Variants in MXD3 observed in about 807,000 individuals in gnomAD.
The protein encoded by MXD3 is Max-associated protein 3.
MXD3 carries 20 observed loss-of-function variants against 27.5 expected under a neutral mutation model. The observed-to-expected ratio is 0.73, with a 90% CI of 0.51 to 1.06. The LOEUF is 1.06. Among genes scored for constraint, MXD3 ranks in the 50% least tolerant of loss-of-function variants. MXD3 has a pLI of 0.00. For missense variants in MXD3, 298 were observed against 291.3 expected (o/e 1.02, Z -0.17); for synonymous variants, 150 against 130.7 (o/e 1.15, Z -1.01).
chr5:177,310,998 T>C (rs1581591931), intron 2 of MXD3: 1 of 578,292 alleles, frequency 1.7e-6, no homozygotes, highest in Non-Finnish European at 3.1e-6. Context: ...AACAGATGTT[T>C]CCCAAGCCGG....
At chr5:177,311,569 G>A (rs899522715) in intron 1 of MXD3, 85 bp from the exon 2 acceptor site, 2 of 1,237,330 alleles carry the variant, frequency 1.6e-6, no homozygotes, top group Non-Finnish European at 2.2e-6. Context: ...GTCAAGGAAA[G>A]GCTTTTGGCG....
At chr5:177,310,640 G>A (rs1761012832) in intron 3 of MXD3, 28 bp downstream of exon 3, 3 of 1,614,180 alleles carry the variant, frequency 1.9e-6, no homozygotes, top group Non-Finnish European at 2.5e-6. Context: ...CTGGGGGCTG[G>A]CGCTGTCAGG....
chr5:177,310,094 TC>T (rs1484047168), intron 4 of MXD3, among the ~76,000 whole-genome samples: 1 of 151,920 alleles, frequency 6.6e-6, no homozygotes, highest in Middle Eastern at 3.2e-3. Flanking sequence ...TCAACAGCCA[TC>T]CCCTCCCCTC....
In MXD3 at chr5:177,307,411, G is replaced by A. The variant is rs1449687299; in HGVS notation, c.*177C>T. 6 of 1,492,734 alleles carry A rather than the reference G, an allele frequency of 4.0e-6. No individual in the cohort carries two copies. Among genetic ancestry groups the A allele is most frequent in the Non-Finnish European group, 5.4e-6 (6 of 1,102,930 alleles). 92.5% of individuals were successfully genotyped at this position (1,492,734 alleles called of 1,614,324 possible). A position where few individuals can be genotyped will look rare whatever the true frequency, so the allele number is the denominator to read the frequency against. ...TGAGTCCTGCCCCTTCCCTTCCAGA[G>A]GGCCTGCCTGGCAGCCAGCAGCAGG... On this transcript the variant is annotated 3_prime_UTR_variant, in exon 6 of 6. Transcript: ENST00000439742.
chr5:177,307,327 C>T lies in MXD3; in HGVS notation c.*261G>A, dbSNP rs1193229615. ...TCCTGTCCCCTTGGGGGCAGCAGAG[C>T]CAAATGCTTGGGCTCGGGCCCAAGC... On this transcript the variant is annotated 3_prime_UTR_variant, in exon 6 of 6. Coordinates refer to ENST00000439742, the MANE Select transcript of MXD3 (RefSeq NM_031300.4). 6.5e-7 allele frequency: 1 copy of T among 1,544,226 alleles called. No homozygotes were observed. Among genetic ancestry groups the T allele is most frequent in the East Asian group, 2.4e-5 (1 of 40,872 alleles).
At chr5:177,311,596 C>G in intron 1 of MXD3, 112 bp from the exon 2 acceptor site, 1 of 1,149,844 alleles carries the variant, frequency 8.7e-7, no homozygotes. Flanking sequence ...CCATTTCCCC[C>G]ACCCGTCCCT....
chr5:177,309,992 C>A (rs766257269), intron 4 of MXD3, among the ~76,000 whole-genome samples: 1 of 152,170 alleles, frequency 6.6e-6, no homozygotes, highest in Non-Finnish European at 1.5e-5. Flanking sequence ...GGATAGACTG[C>A]CCATAACAGG....
downstream of MXD3, chr5:177,306,106 T>A: frequency 6.2e-7 from 1 of 1,613,116 alleles, no homozygotes; most frequent in Non-Finnish European, 8.5e-7. Context: ...AGGAATTTGG[T>A]CTTGCCCGAT....
At chr5:177,312,480 G>A (rs1269662469), upstream of MXD3, 1 of 985,332 alleles carries the variant, frequency 1.0e-6, no homozygotes, top group Non-Finnish European at 1.2e-6. Flanking sequence ...AAACCCAAGC[G>A]ATGGGGCGGG....
chr5:177,306,537 C>T, downstream of MXD3: 1 of 1,611,772 alleles, frequency 6.2e-7, no homozygotes, highest in Non-Finnish European at 8.5e-7. Flanking sequence ...AGGCGGCCAC[C>T]AAGAAGCAGC....
chr5:177,312,077 G>C (rs888201663), upstream of MXD3: 9 of 1,197,332 alleles, frequency 7.5e-6, no homozygotes, highest in South Asian at 1.7e-5. Flanking sequence ...GCAGGTAAGG[G>C]CGCTGGCTCC....
At position 177,307,308 on chromosome 5, in the gene MXD3, C is replaced by A. The variant is rs1357696176; in HGVS notation, c.*280G>T. ...GGAAGAGGCCCAAGAGGCTTCCTGTCCCCTTGGGGGCAGCAGAGCCAAATG... is the reference window on the plus strand; with the variant it reads ...GGAAGAGGCCCAAGAGGCTTCCTGTACCCTTGGGGGCAGCAGAGCCAAATG... On this transcript the variant is annotated 3_prime_UTR_variant, in exon 6 of 6. Coordinates refer to ENST00000439742, the MANE Select transcript of MXD3 (RefSeq NM_031300.4). The A allele has an allele frequency of 1.3e-6, 2 of 1,548,294 alleles. No homozygotes were observed. Among genetic ancestry groups the A allele is most frequent in the Non-Finnish European group, 1.7e-6 (2 of 1,144,854 alleles).
chr5:177,312,556 C>T (rs909524827), upstream of MXD3: 1 of 985,450 alleles, frequency 1.0e-6, no homozygotes, highest in Non-Finnish European at 1.2e-6. Context: ...CGGCTCCTGC[C>T]CTCCGGGGTC....
chr5:177,311,112 T>A (rs1418419197), intron 2 of MXD3: 19 of 535,410 alleles, frequency 3.5e-5, no homozygotes. Context: ...TGGCCTGATG[T>A]GTGGGGTGCG....
At position 177,310,652 on chromosome 5, in the gene MXD3, C is replaced by A; in HGVS notation, c.206+16G>T. 1 of 1,614,198 alleles carries A rather than the reference C, an allele frequency of 6.2e-7. No individual in the cohort carries two copies. The highest frequency in any genetic ancestry group is 8.5e-7 in the Non-Finnish European group (1 of 1,180,018). On this transcript the variant is annotated intron_variant, in intron 3 of 5. Transcript: ENST00000439742. Reference sequence around the variant, plus strand: ...CCCCTGGGGGCTGGCGCTGTCAGGGCAGGACTGGGACTCACCTGCGCTTCT... The same window carrying A: ...CCCCTGGGGGCTGGCGCTGTCAGGGAAGGACTGGGACTCACCTGCGCTTCT...
Position 177,310,560 on chromosome 5 carries a change from A to G in MXD3, c.207-20T>C. On this transcript the variant is annotated intron_variant, in intron 3 of 5. Transcript: ENST00000439742. ...GCCCTCCTGTGGGGAAGAGGTCTGG[A>G]GGGCAGTGCCAGCCCCACCTTGCCG... 1 of 1,611,192 alleles carries G rather than the reference A, an allele frequency of 6.2e-7. No homozygotes were observed. The highest frequency in any genetic ancestry group is 8.5e-7 in the Non-Finnish European group (1 of 1,178,550).
chr5:177,307,227 A>C lies in MXD3; in HGVS notation c.*361T>G. 6.4e-7 allele frequency: 1 copy of C among 1,551,684 alleles called. No homozygotes were observed. The highest frequency in any genetic ancestry group is 8.7e-7 in the Non-Finnish European group (1 of 1,146,980). On this transcript the variant is annotated 3_prime_UTR_variant, in exon 6 of 6. Coordinates refer to ENST00000439742, the MANE Select transcript of MXD3 (RefSeq NM_031300.4). The stretch of plus-strand genomic sequence containing the variant: ...ACGGGAAGTTATGAAAGAGGCTTTT[A>C]ATGAAAATACTGTACAGTTTATGTG...
chr5:177,307,306 G>C lies in MXD3; in HGVS notation c.*282C>G, dbSNP rs1760904755. On this transcript the variant is annotated 3_prime_UTR_variant, in exon 6 of 6. Transcript: ENST00000439742. The stretch of plus-strand genomic sequence containing the variant: ...AGGGAAGAGGCCCAAGAGGCTTCCT[G>C]TCCCCTTGGGGGCAGCAGAGCCAAA... The C allele has an allele frequency of 6.5e-7, 1 of 1,547,652 alleles. No individual in the cohort carries two copies. Among genetic ancestry groups the C allele is most frequent in the African/African-American group, 1.4e-5 (1 of 73,010 alleles).
rs1221273280 is a variant in MXD3, at chr5:177,311,410, G to C, written c.145C>G (p.Pro49Ala). The C allele has an allele frequency of 1.4e-6, 2 of 1,442,750 alleles. No homozygotes were observed. Among genetic ancestry groups the C allele is most frequent in the Non-Finnish European group, 1.8e-6 (2 of 1,104,996 alleles). The allele number at this position is 1,442,750 out of a possible 1,614,324, so 89.4% of individuals were successfully genotyped here. A position where few individuals can be genotyped will look rare whatever the true frequency, so the allele number is the denominator to read the frequency against. ...CTGTCCTGCGCGCCAGGAGCCTGGG[G>C]GGGTCGCTTCTTCCTCCTGTGGATG... ...GPIHRRKKRP[P>A]QAPGAQDSGR... Residue 49 changes from proline (P) to alanine (A), a missense_variant, in exon 2 of 6, where the codon CCC becomes GCC. By Grantham distance (27) the Pro-to-Ala change is conservative (BLOSUM62 -1). Transcript: ENST00000439742.
Sources: gnomAD v4.1 joint callset for allele counts (sites outside exome capture counted in the v4.1 genomes callset) on GRCh38, gnomAD v4.1.1 for gene constraint, MANE v1.5 for transcripts, NCBI Gene and HGNC (gene_info 2026-07-23, HGNC 2026-07-21) for gene names.